The following PDE1C variants were observed in gnomAD, a reference collection of about 807,000 sequenced individuals.
PDE1C encodes the protein phosphodiesterase 1C, also known as dual specificity calcium/calmodulin-dependent 3',5'-cyclic nucleotide phosphodiesterase 1C.
In PDE1C, 62 loss-of-function variants were observed where a neutral mutation model predicts 93.1. That is an observed-to-expected ratio of 0.67 (90% confidence interval 0.54 to 0.82). The LOEUF is 0.82. Among genes scored for constraint, PDE1C ranks in the 40% least tolerant of loss-of-function variants. PDE1C has a pLI of 0.00. For missense variants in PDE1C, 742 were observed against 884.6 expected (o/e 0.84, Z 2.04); for synonymous variants, 325 against 310.1 (o/e 1.05, Z -0.50).
chr7:31,900,546 A>C (rs1799843089), intron 2 of PDE1C, among the ~76,000 whole-genome samples: 1 of 151,744 alleles, frequency 6.6e-6, no homozygotes, highest in Non-Finnish European at 1.5e-5. Context: ...CATAATGACT[A>C]TCAATTAATA....
At chr7:32,146,682 T>A (rs965545596) in intron 3 of PDE1C, among the ~76,000 whole-genome samples, 1 of 152,126 alleles carries the variant, frequency 6.6e-6, no homozygotes, top group African/African-American at 2.4e-5. Context: ...TGTGGACATC[T>A]TAGGGAGGAA....
intron 2 of PDE1C, among the ~76,000 whole-genome samples, chr7:32,171,375 A>G (rs1265188614): frequency 6.6e-6 from 1 of 151,874 alleles, no homozygotes; most frequent in African/African-American, 2.4e-5. Context: ...GGTTCCATGG[A>G]TTCAAACAAC....
At chr7:32,365,152 G>A (rs1378438011) in intron 1 of PDE1C, among the ~76,000 whole-genome samples, 1 of 152,192 alleles carries the variant, frequency 6.6e-6, no homozygotes, top group Admixed American at 6.5e-5. Flanking sequence ...ATCAGGGCTT[G>A]AGGAACAGCT....
chr7:31,939,230 A>AAGAAGAAGG, intron 2 of PDE1C, among the ~76,000 whole-genome samples: 1 of 151,712 alleles, frequency 6.6e-6, no homozygotes, highest in African/African-American at 2.4e-5. Context: ...GAAGAAGAAG[A>AAGAAGAAGG]AGGAGGAGGA....
At chr7:31,819,384 T>A (rs900397855) in intron 14 of PDE1C, among the ~76,000 whole-genome samples, 1 of 152,260 alleles carries the variant, frequency 6.6e-6, no homozygotes, top group African/African-American at 2.4e-5. Context: ...TAGATGAAAT[T>A]TTCGTATAAC....
intron 1 of PDE1C, among the ~76,000 whole-genome samples, chr7:32,283,994 G>A (rs566511885): frequency 1.3e-5 from 2 of 152,186 alleles, no homozygotes; most frequent in South Asian, 2.1e-4. Flanking sequence ...AGGGCGGGAA[G>A]AAGCATCCCG....
intron 2 of PDE1C, among the ~76,000 whole-genome samples, chr7:31,995,245 TGAGAA>T (rs1171249718): frequency 6.6e-6 from 1 of 152,082 alleles, no homozygotes; most frequent in Non-Finnish European, 1.5e-5. Flanking sequence ...AAAATTACAG[TGAGAA>T]GAGAAGAGGA....
chr7:32,335,983 C>T (rs73089975), intron 1 of PDE1C, among the ~76,000 whole-genome samples: 6,044 of 152,220 alleles, frequency 0.04, 244 homozygotes, highest in South Asian at 0.22. Context: ...AGTCACCACA[C>T]CTGGCCTTAA....
intron 3 of PDE1C, among the ~76,000 whole-genome samples, chr7:32,097,199 CAA>C (rs1213045830): frequency 6.6e-6 from 1 of 152,176 alleles, no homozygotes; most frequent in African/African-American, 2.4e-5. Context: ...TTTACTGATT[CAA>C]AAGTTAATCT....
At chr7:32,045,283 G>T (rs1010495709) in intron 2 of PDE1C, among the ~76,000 whole-genome samples, 1 of 151,848 alleles carries the variant, frequency 6.6e-6, no homozygotes, top group Non-Finnish European at 1.5e-5. Context: ...ACTTGCACTT[G>T]CAGGCTAAGT....
chr7:31,747,236 G>T (rs561821422), downstream of PDE1C, among the ~76,000 whole-genome samples: 1 of 152,068 alleles, frequency 6.6e-6, no homozygotes, highest in Non-Finnish European at 1.5e-5. Flanking sequence ...ATATAGCAGT[G>T]CAATCAAAGG....
intron 3 of PDE1C, among the ~76,000 whole-genome samples, chr7:32,154,747 C>A (rs746838944): frequency 6.6e-6 from 1 of 152,242 alleles, no homozygotes; most frequent in African/African-American, 2.4e-5. Flanking sequence ...ACAGTGGGCA[C>A]CACTGTGGTC....
At chr7:31,951,274 G>A (rs745680417) in intron 2 of PDE1C, among the ~76,000 whole-genome samples, 3 of 152,006 alleles carry the variant, frequency 2.0e-5, no homozygotes, top group Admixed American at 6.6e-5. Flanking sequence ...TCTAATACAC[G>A]GTAACCTCCA....
At chr7:31,726,716 T>A in the PDE1C span, among the ~76,000 whole-genome samples, 1 of 152,210 alleles carries the variant, frequency 6.6e-6, no homozygotes, top group African/African-American at 2.4e-5. Context: ...AGCTTCAGTC[T>A]AGTCTTCCCT....
At chr7:31,935,610 A>G (rs528159527) in intron 2 of PDE1C, among the ~76,000 whole-genome samples, 21 of 152,262 alleles carry the variant, frequency 1.4e-4, no homozygotes, top group African/African-American at 4.8e-4. Context: ...AGCAGGCCCA[A>G]TGCTAGGCCT....
chr7:32,086,665 C>A (rs1409872117), intron 3 of PDE1C, among the ~76,000 whole-genome samples: 1 of 152,152 alleles, frequency 6.6e-6, no homozygotes, highest in East Asian at 1.9e-4. Context: ...AGATATAGAT[C>A]AATGGAACAG....
intron 1 of PDE1C, among the ~76,000 whole-genome samples, chr7:32,064,206 C>G (rs544705502): frequency 2.2e-4 from 33 of 152,316 alleles, no homozygotes; most frequent in African/African-American, 7.9e-4. Context: ...ACCCACCACT[C>G]CAGGCCAAAG....
chr7:31,822,192 T>C (rs1789054058), intron 14 of PDE1C, among the ~76,000 whole-genome samples: 1 of 152,016 alleles, frequency 6.6e-6, no homozygotes, highest in Non-Finnish European at 1.5e-5. Flanking sequence ...TGGCACACAG[T>C]AGGCATGCAA....
chr7:31,737,836 TA>T, the PDE1C span, among the ~76,000 whole-genome samples: 1 of 145,460 alleles, frequency 6.9e-6, no homozygotes, highest in Non-Finnish European at 1.5e-5. Flanking sequence ...TCTTCTGCAA[TA>T]ACCATTCAAA....
Sources: allele counts gnomAD v4.1 joint callset (sites outside exome capture counted in the v4.1 genomes callset), GRCh38; gene constraint gnomAD v4.1.1; transcripts MANE v1.5; gene names NCBI Gene and HGNC (gene_info 2026-07-23, HGNC 2026-07-21).